Variants in FGF13 observed in about 807,000 individuals in gnomAD.
FGF13 encodes fibroblast growth factor 13, also known as fibroblast growth factor homologous factor 2.
A neutral mutation model predicts 19.5 loss-of-function variants in FGF13; 2 were observed. That is an observed-to-expected ratio of 0.10 (90% CI 0.04 to 0.32). The LOEUF is 0.32. FGF13 is among the 10% of genes least tolerant of loss of function. The pLI is 1.00. For missense variants in FGF13, 113 were observed against 192.7 expected (o/e 0.59, Z 2.45); for synonymous variants, 72 against 76.9 (o/e 0.94, Z 0.33).
intron 3 of FGF13, among the ~76,000 whole-genome samples, chrX:138,774,280 AATG>A (rs987422735): frequency 9.0e-6 from 1 of 111,660 alleles, no homozygotes; most frequent in Non-Finnish European, 1.9e-5. Flanking sequence ...TGATGATGGT[AATG>A]ATGATGATGA....
At chrX:139,111,077 A>G (rs1337637190) in intron 1 of FGF13, among the ~76,000 whole-genome samples, 1 of 111,944 alleles carries the variant, frequency 8.9e-6, no homozygotes, top group African/African-American at 3.3e-5. Flanking sequence ...ATTTTAGCTT[A>G]TGGTACCTAC....
Position 138,638,583 on chromosome X carries a change from CA to C in FGF13, c.403-2929del, listed in dbSNP as rs1287131792. Among the ~76,000 whole-genome samples, 6 of 111,663 alleles carry C rather than the reference CA, an allele frequency of 5.4e-5. No individual in the cohort carries two copies. The East Asian group carries it at 1.7e-3, about 31-fold the overall frequency. On this transcript the variant is annotated intron_variant, in intron 3 of 4. Transcript: ENST00000315930. ...TAGGGAACTTGTCTTATTTTTTCCC[CA>C]ATCTACCTTCCCCCAACAAAAATGA...
chrX:138,933,435 G>A (rs778531026), intron 1 of FGF13, among the ~76,000 whole-genome samples: 1 of 111,605 alleles, frequency 9.0e-6, no homozygotes, highest in East Asian at 2.8e-4. Context: ...TGGGAGCTCA[G>A]CCAATCAGAT....
rs2089921500 is a variant in FGF13 at position 138,698,957 on chromosome X, G to T, written c.402+4027C>A. 2.7e-5 allele frequency among the ~76,000 whole-genome samples: 3 copies of T among 111,614 alleles called. No individual in the cohort carries two copies. The Admixed American group carries it at 2.9e-4, about 11-fold the overall frequency. On this transcript the variant is annotated intron_variant, in intron 3 of 4. Transcript: ENST00000315930. ...CAATAAAACTTTATTTTCATAAACA[G>T]GTAGTGGGCTGGATTTGACCCACGG...
At chrX:138,741,646 A>G (rs1055978730), upstream of FGF13, among the ~76,000 whole-genome samples, 2 of 111,360 alleles carry the variant, frequency 1.8e-5, no homozygotes, top group Admixed American at 1.9e-4. Context: ...TGTGGAAGAA[A>G]GCAATCTGAT....
intron 1 of FGF13, among the ~76,000 whole-genome samples, chrX:139,166,865 T>C (rs1165509396): frequency 1.8e-5 from 2 of 111,706 alleles, no homozygotes; most frequent in African/African-American, 6.5e-5. Flanking sequence ...CTTTTCCATA[T>C]GAAACACTCC....
chrX:138,734,246 C>T (rs1210270669), intron 1 of FGF13, among the ~76,000 whole-genome samples: 2 of 111,679 alleles, frequency 1.8e-5, no homozygotes, highest in Admixed American at 1.9e-4. Context: ...AAGTTCCCAG[C>T]CAGTAGTAGT....
chrX:138,911,221 C>T (rs953535446), intron 1 of FGF13, among the ~76,000 whole-genome samples: 17 of 111,746 alleles, frequency 1.5e-4, no homozygotes, highest in Admixed American at 8.5e-4. Flanking sequence ...CACCTCCAGG[C>T]CATTGTTCCA....
intron 3 of FGF13, among the ~76,000 whole-genome samples, chrX:138,825,148 C>T (rs2091025599): frequency 8.9e-6 from 1 of 111,781 alleles, no homozygotes; most frequent in South Asian, 3.8e-4. Context: ...CAGGTTGTGA[C>T]AGTTTCAATG....
At chrX:139,144,234 G>A (rs2083869116) in intron 1 of FGF13, among the ~76,000 whole-genome samples, 1 of 110,464 alleles carries the variant, frequency 9.1e-6, no homozygotes, top group Admixed American at 9.5e-5. Context: ...TGGCCTGTGT[G>A]AAAAGAACTC....
At chrX:139,160,057 A>G (rs1158200687) in intron 1 of FGF13, among the ~76,000 whole-genome samples, 11 of 111,687 alleles carry the variant, frequency 9.8e-5, no homozygotes, top group Non-Finnish European at 3.8e-5. Flanking sequence ...GCACCACATC[A>G]CACTTATTCT....
At chrX:138,888,673 C>T (rs1166687855) in intron 1 of FGF13, among the ~76,000 whole-genome samples, 1 of 107,743 alleles carries the variant, frequency 9.3e-6, no homozygotes, top group Non-Finnish European at 1.9e-5. Flanking sequence ...CTTCTTCCTT[C>T]TACCTGCTCA....
chrX:138,978,484 G>A (rs909441879), intron 1 of FGF13, among the ~76,000 whole-genome samples: 19 of 110,451 alleles, frequency 1.7e-4, no homozygotes, highest in South Asian at 3.8e-4. Context: ...AGATGGTCTC[G>A]ATCTCCTGAC....
At chrX:139,092,287 T>C (rs949521663) in intron 1 of FGF13, among the ~76,000 whole-genome samples, 17 of 112,687 alleles carry the variant, frequency 1.5e-4, no homozygotes, top group Non-Finnish European at 3.0e-4. Context: ...ACTAAATAGC[T>C]TCTGATTATT....
In FGF13 at chrX:138,614,786, A is replaced by G. The variant is rs2088954990; in HGVS notation, c.*18064T>C. On this transcript the variant is annotated 3_prime_UTR_variant, in exon 5 of 5. Transcript: ENST00000315930. ...ATAGCCCAAAAGTAGAAAGAACACA[A>G]ATGTTGTTCAACAGGTGAATAGTTA... 8.9e-6 allele frequency: 1 copy of G among 111,773 alleles called. No individual in the cohort carries two copies. The highest frequency in any genetic ancestry group is 1.9e-5 in the Non-Finnish European group (1 of 53,197). 9.2% of individuals were successfully genotyped at this position (111,773 alleles called of 1,213,427 possible).
intron 1 of FGF13, among the ~76,000 whole-genome samples, chrX:138,966,223 G>C (rs2091894418): frequency 1.8e-5 from 2 of 111,871 alleles, no homozygotes; most frequent in Admixed American, 9.4e-5. Context: ...GGAGCTGTGA[G>C]AAGAGGGCTA....
intron 1 of FGF13, among the ~76,000 whole-genome samples, chrX:139,140,436 C>T (rs1270357996): frequency 2.7e-5 from 3 of 111,464 alleles, no homozygotes; most frequent in Non-Finnish European, 5.7e-5. Context: ...CACACCTCTC[C>T]ATCTCCAGGC....
chrX:138,756,510 T>G (rs1182356387), intron 3 of FGF13, among the ~76,000 whole-genome samples: 2 of 112,679 alleles, frequency 1.8e-5, no homozygotes, highest in Non-Finnish European at 3.8e-5. Flanking sequence ...GCCTTTCTGC[T>G]TTTTTCCATA....
At chrX:138,922,614 A>G (rs1046021559) in intron 1 of FGF13, among the ~76,000 whole-genome samples, 12 of 112,114 alleles carry the variant, frequency 1.1e-4, no homozygotes, top group African/African-American at 3.6e-4. Flanking sequence ...AAGAATTCCC[A>G]CTTCTATCAA....
Sources: allele counts gnomAD v4.1 joint callset (sites outside exome capture counted in the v4.1 genomes callset), GRCh38; gene constraint gnomAD v4.1.1; transcripts MANE v1.5; gene names NCBI Gene and HGNC (gene_info 2026-07-23, HGNC 2026-07-21).